Variants in MAGI2 observed in about 807,000 individuals in gnomAD.
The protein encoded by MAGI2 is membrane associated guanylate kinase, WW and PDZ domain containing 2.
Under a neutral mutation model 133.3 loss-of-function variants are expected in MAGI2, and 35 were observed. The observed-to-expected ratio is 0.26, with a 90% CI of 0.20 to 0.35. The LOEUF is 0.35. Among genes scored for constraint, MAGI2 ranks in the 10% least tolerant of loss-of-function variants. MAGI2 has a pLI of 1.00. For synonymous variants in MAGI2, 729 were observed against 710.6 expected (o/e 1.03, Z -0.41); for missense variants, 1,636 against 1,863.4 (o/e 0.88, Z 2.25).
At chr7:78,032,638 A>C (rs181591756) in intron 21 of MAGI2, among the ~76,000 whole-genome samples, 8 of 152,324 alleles carry the variant, frequency 5.3e-5, no homozygotes, top group African/African-American at 1.9e-4. Flanking sequence ...GAGACCAAAG[A>C]TTAATATACA....
At chr7:78,859,060 C>G (rs1367382223) in intron 2 of MAGI2, among the ~76,000 whole-genome samples, 1 of 151,744 alleles carries the variant, frequency 6.6e-6, no homozygotes, top group African/African-American at 2.4e-5. Flanking sequence ...GGATTGCAAC[C>G]CCTGCTTTTT....
chr7:78,263,307 C>T lies in MAGI2; in HGVS notation c.1409-6726G>A, dbSNP rs546618900. On this transcript the variant is annotated intron_variant, in intron 9 of 21. Coordinates refer to ENST00000354212, the MANE Select transcript of MAGI2 (RefSeq NM_012301.4). ...GAGTGCATGTGTCTTTTTGGCAGAACGATTTATTTTCTTTTGGATATATAC... is the reference window on the plus strand; with the variant it reads ...GAGTGCATGTGTCTTTTTGGCAGAATGATTTATTTTCTTTTGGATATATAC... Among the ~76,000 whole-genome samples the T allele has an allele frequency of 3.2e-4, 48 of 152,166 alleles. 1 individual carries two copies. In the South Asian group the frequency reaches 9.1e-3, roughly 29 times the overall value.
At chr7:78,055,096 C>G (rs759763962) in intron 21 of MAGI2, among the ~76,000 whole-genome samples, 2 of 152,146 alleles carry the variant, frequency 1.3e-5, no homozygotes, top group Non-Finnish European at 2.9e-5. Flanking sequence ...GGTGATACCT[C>G]ATTGTGATTT....
intron 1 of MAGI2, among the ~76,000 whole-genome samples, chr7:79,168,887 TAG>T (rs1291048662): frequency 0.087 from 633 of 7,246 alleles, 9 homozygotes; most frequent in African/African-American, 0.12. Context: ...TTTCTAAAGA[TAG>T]ATATATATAT....
intron 2 of MAGI2, among the ~76,000 whole-genome samples, chr7:78,647,302 G>C (rs750486573): frequency 1.3e-5 from 2 of 151,842 alleles, no homozygotes; most frequent in Non-Finnish European, 2.9e-5. Context: ...AAATTTACAA[G>C]AAAAAAACAA....
intron 10 of MAGI2, chr7:78,252,757 C>G (rs890015277): frequency 1.3e-5 from 2 of 151,922 alleles, no homozygotes; most frequent in Admixed American, 6.6e-5. Flanking sequence ...CTGGCTAACA[C>G]AGTGAAACCC....
chr7:78,870,338 A>C (rs1487315157), intron 2 of MAGI2, among the ~76,000 whole-genome samples: 2 of 146,490 alleles, frequency 1.4e-5, no homozygotes, highest in Non-Finnish European at 3.0e-5. Context: ...TGGGTGACAA[A>C]GTGAGACCCT....
rs147728886 is a variant in MAGI2, at chr7:78,256,242, G to T, written c.1748C>A (p.Pro583Gln). Residue 583 changes from proline to glutamine, a missense_variant, in exon 10 of 22, where the codon CCA becomes CAA. Transcript: ENST00000354212. ...CACATTGTCATCATGGACGGGCGGT[G>T]GATACGTGCCGTCTAGCTGACCATC... is the stretch of plus-strand genomic sequence containing the variant. ...PTDGQLDGTY[P>Q]PPVHDDNVSM... The T allele has an allele frequency of 6.2e-7, 1 of 1,614,076 alleles. No individual in the cohort carries two copies. Among genetic ancestry groups the T allele is most frequent in the South Asian group, 1.1e-5 (1 of 91,080 alleles).
At chr7:78,312,228 A>ATTT (rs35857095) in intron 9 of MAGI2, among the ~76,000 whole-genome samples, 2 of 151,820 alleles carry the variant, frequency 1.3e-5, no homozygotes, top group Non-Finnish European at 2.9e-5. Flanking sequence ...ATTTTGAAAC[A>ATTT]TTTTTTTTCT....
chr7:78,105,355 C>T (rs1375510431), intron 20 of MAGI2, among the ~76,000 whole-genome samples: 1 of 152,164 alleles, frequency 6.6e-6, no homozygotes, highest in African/African-American at 2.4e-5. Flanking sequence ...GCAAGATTTT[C>T]TCAAGTATAT....
intron 2 of MAGI2, among the ~76,000 whole-genome samples, chr7:78,655,453 C>CCAAAAAAAAAAAAAAAAAAAAAACAA (rs1812090821): frequency 2.1e-5 from 1 of 48,368 alleles, no homozygotes; most frequent in African/African-American, 7.4e-5. Flanking sequence ...AAAAAAACAA[C>CCAAAAAAAAAAAAAAAAAAAAAACAA]CAAAAAAAAA....
chr7:78,142,521 C>T (rs938538710), intron 16 of MAGI2, among the ~76,000 whole-genome samples: 10 of 152,134 alleles, frequency 6.6e-5, no homozygotes, highest in Non-Finnish European at 1.3e-4. Flanking sequence ...TTTGATTCTT[C>T]ACATATTTAT....
In MAGI2 at chr7:78,685,640, CTA is replaced by C. The variant is rs137856891; in HGVS notation, c.419-58403_419-58402del. The stretch of plus-strand genomic sequence containing the variant: ...CTGAAAGTCATTATATATACGTAAC[CTA>C]TATATATATGTGTGTGTGTGTGTGT... On this transcript the variant is annotated intron_variant, in intron 2 of 21. Coordinates refer to ENST00000354212, the MANE Select transcript of MAGI2 (RefSeq NM_012301.4). Among the ~76,000 whole-genome samples the C allele has an allele frequency of 4.0e-5, 6 of 148,794 alleles. 1 individual carries two copies. In the South Asian group the frequency reaches 1.3e-3, roughly 32 times the overall value.
At chr7:78,330,116 TA>T (rs1299089182) in intron 9 of MAGI2, among the ~76,000 whole-genome samples, 1 of 152,234 alleles carries the variant, frequency 6.6e-6, no homozygotes, top group Admixed American at 6.5e-5. Context: ...TGGAGATTCA[TA>T]ATGGCTACCA....
At chr7:78,265,809 C>T (rs751254359) in intron 9 of MAGI2, among the ~76,000 whole-genome samples, 5 of 152,204 alleles carry the variant, frequency 3.3e-5, no homozygotes, top group South Asian at 2.1e-4. Flanking sequence ...AAGCATGATT[C>T]GTTTTTGCAG....
At chr7:79,191,974 G>A (rs1827712696) in intron 1 of MAGI2, among the ~76,000 whole-genome samples, 1 of 151,664 alleles carries the variant, frequency 6.6e-6, no homozygotes, top group Admixed American at 6.6e-5. Context: ...ATCTTAAAAA[G>A]TATTTTAAAT....
At chr7:78,708,022 G>T (rs1204003017) in intron 2 of MAGI2, among the ~76,000 whole-genome samples, 1 of 151,992 alleles carries the variant, frequency 6.6e-6, no homozygotes, top group Non-Finnish European at 1.5e-5. Flanking sequence ...CCTCATTGAA[G>T]ATTTACCATG....
At chr7:78,212,394 C>T (rs533769882) in intron 10 of MAGI2, among the ~76,000 whole-genome samples, 17 of 152,268 alleles carry the variant, frequency 1.1e-4, no homozygotes, top group South Asian at 8.3e-4. Context: ...AGAGAGGAAA[C>T]GTTCCTGGCT....
chr7:78,217,164 G>A (rs372860606), intron 10 of MAGI2, among the ~76,000 whole-genome samples: 3 of 152,236 alleles, frequency 2.0e-5, no homozygotes, highest in African/African-American at 4.8e-5. Flanking sequence ...TGAGGTACTG[G>A]GGGTAAGAAC....
Sources: allele counts gnomAD v4.1 joint callset (sites outside exome capture counted in the v4.1 genomes callset), GRCh38; gene constraint gnomAD v4.1.1; transcripts MANE v1.5; gene names NCBI Gene and HGNC (gene_info 2026-07-23, HGNC 2026-07-21).